The following CTSA variants were observed in gnomAD, a reference collection of about 807,000 sequenced individuals.
CTSA encodes cathepsin A.
In CTSA, 42 loss-of-function variants were observed where a neutral mutation model predicts 66.7. The ratio of observed to expected loss-of-function variants is 0.63; its 90% CI spans 0.49 to 0.81. The LOEUF is 0.81. Among genes scored for constraint, CTSA ranks in the 40% least tolerant of loss-of-function variants. The pLI is 0.00. For synonymous variants in CTSA, 225 were observed against 248.6 expected (o/e 0.91, Z 0.89); for missense variants, 525 against 610.9 (o/e 0.86, Z 1.48).
At position 45,895,035 on chromosome 20, in the gene CTSA, C is replaced by T; in HGVS notation, c.990C>T (p.Pro330=). 1 of 1,614,156 alleles carries T rather than the reference C, an allele frequency of 6.2e-7. No homozygotes were observed. The highest frequency in any genetic ancestry group is 8.5e-7 in the Non-Finnish European group (1 of 1,180,020). Residue 330 remains proline, a synonymous_variant, in exon 11 of 15, where the codon CCC becomes CCT. Transcript: ENST00000646241. ...RSGDKVRMDP[P]CTNTTAASTY... ...GGGATAAAGTGCGCATGGACCCCCC[C>T]TGCACCAACACAACAGCTGCTTCCA...
chr20:45,894,562 C>A, intron 8 of CTSA, 88 bp from the exon 9 acceptor site: 4 of 1,216,484 alleles, frequency 3.3e-6, no homozygotes, highest in Non-Finnish European at 3.7e-6. Flanking sequence ...GAGGTGAAAT[C>A]CAAGAGCAGT....
In CTSA at chr20:45,892,502, C is replaced by T. The variant is rs1258174043; in HGVS notation, c.444+18C>T. 16 of 1,609,392 alleles carry T rather than the reference C, an allele frequency of 9.9e-6. No individual in the cohort carries two copies. Among genetic ancestry groups the T allele is most frequent in the Non-Finnish European group, 1.2e-5 (14 of 1,175,906 alleles). Reference sequence around the variant, plus strand: ...ACACTGAGGTGAGTCTGGTGCCTGCCCATCTGCCCCAGGCTCCCCGGTCCT... The same window carrying T: ...ACACTGAGGTGAGTCTGGTGCCTGCTCATCTGCCCCAGGCTCCCCGGTCCT... On this transcript the variant is annotated intron_variant, in intron 5 of 14. Transcript: ENST00000646241.
At chr20:45,893,339 C>A in intron 7 of CTSA, 28 bp downstream of exon 7, 1 of 1,541,214 alleles carries the variant, frequency 6.5e-7, no homozygotes, top group Non-Finnish European at 9.0e-7. Flanking sequence ...TGGGCAATCT[C>A]TGGGGTGAGG....
At chr20:45,895,477 A>T (rs57946860) in intron 11 of CTSA, among the ~76,000 whole-genome samples, 22,688 of 151,246 alleles carry the variant, frequency 0.15, 2,740 homozygotes, top group East Asian at 0.38. Context: ...CACCCCCAAC[A>T]AGTTTTTGTA....
chr20:45,892,706 C>G lies in CTSA; in HGVS notation c.445-19C>G. On this transcript the variant is annotated intron_variant, in intron 5 of 14. Transcript: ENST00000646241. Reference sequence around the variant, plus strand: ...ACCAAAGCTTCCTGATTCCCTCTGTCTTGCTCTGCCATCCCCAGGTCGCCC... The same window carrying G: ...ACCAAAGCTTCCTGATTCCCTCTGTGTTGCTCTGCCATCCCCAGGTCGCCC... The G allele has an allele frequency of 1.2e-6, 2 of 1,614,188 alleles. No individual in the cohort carries two copies. The highest frequency in any genetic ancestry group is 4.5e-5 in the East Asian group (2 of 44,892).
At chr20:45,894,150 C>A in intron 8 of CTSA, 78 bp downstream of exon 8, 1 of 994,072 alleles carries the variant, frequency 1.0e-6, no homozygotes, top group South Asian at 1.3e-5. Context: ...TCCTTGGGGA[C>A]TCCTTGTTCT....
In CTSA at chr20:45,894,020, C is replaced by T. The variant is rs1212015228; in HGVS notation, c.725C>T (p.Ser242Phe). The change falls in exon 8 of 15, where the codon TCT (serine) becomes TTT (phenylalanine). Residue 242 changes from serine (S) to phenylalanine (F), a missense_variant. Physicochemically the swap from Ser to Phe is radical, Grantham distance 155. Coordinates refer to ENST00000646241, the MANE Select transcript of CTSA (RefSeq NM_000308.4). Reference protein sequence around the residue: ...LWSSLQTHCCSQNKCNFYDNK... With the variant: ...LWSSLQTHCCFQNKCNFYDNK... ...TCTTCTCTCCAGACCCACTGCTGCT[C>T]TCAAAACAAGTGTAACTTCTATGAC... 1.9e-6 allele frequency: 3 copies of T among 1,613,160 alleles called. No homozygotes were observed. The highest frequency in any genetic ancestry group is 1.6e-4 in the Middle Eastern group (1 of 6,062).
At chr20:45,894,168 T>C in intron 8 of CTSA, 96 bp downstream of exon 8, 1 of 909,608 alleles carries the variant, frequency 1.1e-6, no homozygotes. Context: ...TCTCCGTCCC[T>C]CATTGCTTTC....
chr20:45,893,928 CTCCTCTGCCT>C (rs1987102936), intron 7 of CTSA, 50 bp from the exon 8 acceptor site: 1 of 1,073,374 alleles, frequency 9.3e-7, no homozygotes, highest in African/African-American at 1.5e-5. Context: ...GTATGCTCGC[CTCCTCTGCCT>C]TCCTCTTCCC....
At chr20:45,897,655 T>A in intron 12 of CTSA, 62 bp from the exon 13 acceptor site, 1 of 994,064 alleles carries the variant, frequency 1.0e-6, no homozygotes, top group Non-Finnish European at 1.6e-6. Flanking sequence ...GGCCTTGAAC[T>A]AGGGAAGGGC....
rs1568763930 is a variant in CTSA, at chr20:45,894,084, C to T, written c.777+12C>T. Reference sequence around the variant, plus strand: ...AATGCGTGACCAATGTGAGGTTCTGCCATCACTTTGCATGAGCTCTCCCAT... The same window carrying T: ...AATGCGTGACCAATGTGAGGTTCTGTCATCACTTTGCATGAGCTCTCCCAT... On this transcript the variant is annotated intron_variant, in intron 8 of 14. Coordinates refer to ENST00000646241, the MANE Select transcript of CTSA (RefSeq NM_000308.4). The T allele has an allele frequency of 2.5e-6, 4 of 1,578,090 alleles. No individual in the cohort carries two copies. Among genetic ancestry groups the T allele is most frequent in the Non-Finnish European group, 1.7e-6 (2 of 1,147,408 alleles).
In CTSA at chr20:45,898,444, A is replaced by G. The variant is rs772364720; in HGVS notation, c.1437A>G (p.Pro479=). 6 of 1,613,570 alleles carry G rather than the reference A, an allele frequency of 3.7e-6. No individual in the cohort carries two copies. Among genetic ancestry groups the G allele is most frequent in the Non-Finnish European group, 5.1e-6 (6 of 1,179,894 alleles). Residue 479 remains proline (P), a synonymous_variant, in exon 15 of 15, where the codon CCA becomes CCG. Coordinates refer to ENST00000646241, the MANE Select transcript of CTSA (RefSeq NM_000308.4). The surrounding 1 kb of genome is among the most constrained non-coding windows in gnomAD (Gnocchi z 4.6). ...TMFSRFLNKQ[P]Y ...TCTCCCGCTTCCTGAACAAGCAGCC[A>G]TACTGATGACCACAGCAACCAGCTC...
At chr20:45,893,944 T>C in intron 7 of CTSA, 44 bp from the exon 8 acceptor site, 1 of 1,287,624 alleles carries the variant, frequency 7.8e-7, no homozygotes, top group Non-Finnish European at 1.1e-6. Context: ...TGCCTTCCTC[T>C]TCCCACCAGC....
chr20:45,892,663 G>A (rs1448612595), intron 5 of CTSA, 62 bp from the exon 6 acceptor site: 1 of 1,606,868 alleles, frequency 6.2e-7, no homozygotes, highest in Non-Finnish European at 8.5e-7. Context: ...TATCTCTGAA[G>A]TTCTTTCCAG....
intron 12 of CTSA, 47 bp downstream of exon 12, chr20:45,897,087 A>G: frequency 2.1e-6 from 3 of 1,440,492 alleles, no homozygotes; most frequent in Non-Finnish European, 2.9e-6. Flanking sequence ...TTAGGACCCC[A>G]GAGTAGCACA....
At chr20:45,893,867 T>G in intron 7 of CTSA, 121 bp from the exon 8 acceptor site, 9 of 757,970 alleles carry the variant, frequency 1.2e-5, no homozygotes, top group East Asian at 4.9e-5. Flanking sequence ...CCACACCCTG[T>G]GATATCTTTC....
At chr20:45,896,441 CT>C (rs1228736532) in intron 11 of CTSA, 1,509 of 180,696 alleles carry the variant, frequency 8.4e-3, no homozygotes, top group South Asian at 0.025. Context: ...ATTTCTTTTT[CT>C]TTTTTTTTTT....
chr20:45,891,943 G>A lies in CTSA; in HGVS notation c.222G>A (p.Glu74=). The change falls in exon 3 of 15, where the codon GAG becomes GAA. Residue 74 remains glutamate (E), a synonymous_variant. Coordinates refer to ENST00000646241, the MANE Select transcript of CTSA (RefSeq NM_000308.4). The surrounding 1 kb of genome is among the most constrained non-coding windows in gnomAD (Gnocchi z 4.6). ...YWFVESQKDP[E]NSPVVLWLNG... Reference sequence around the variant, plus strand: ...TTGTGGAGTCCCAGAAGGATCCCGAGAACAGCCCTGTGGTGCTTTGGCTCA... The same window carrying A: ...TTGTGGAGTCCCAGAAGGATCCCGAAAACAGCCCTGTGGTGCTTTGGCTCA... 1 of 1,614,148 alleles carries A rather than the reference G, an allele frequency of 6.2e-7. No homozygotes were observed. Among genetic ancestry groups the A allele is most frequent in the Non-Finnish European group, 8.5e-7 (1 of 1,180,016 alleles).
chr20:45,893,223 C>A lies in CTSA; in HGVS notation c.604C>A (p.Leu202Met). 1 of 1,613,952 alleles carries A rather than the reference C, an allele frequency of 6.2e-7. No homozygotes were observed. The highest frequency in any genetic ancestry group is 1.1e-5 in the South Asian group (1 of 91,064). ...MQDPSMNLQG[L>M]AVGNGLSSYE... The stretch of plus-strand genomic sequence containing the variant: ...GAGCACCCTGGGTGTTTCACAGGGG[C>A]TGGCTGTGGGCAATGGACTCTCCTC... The change falls in exon 7 of 15, where the codon CTG (leucine) becomes ATG (methionine). Residue 202 changes from leucine (L) to methionine (M), a missense_variant. Leu to Met is a conservative substitution (Grantham distance 15, BLOSUM62 2). Transcript: ENST00000646241.
Sources: gnomAD v4.1 joint callset for allele counts (sites outside exome capture counted in the v4.1 genomes callset) on GRCh38, gnomAD v4.1.1 for gene constraint, Gnocchi (gnomAD v3.1) non-coding constraint, MANE v1.5 for transcripts, NCBI Gene and HGNC (gene_info 2026-07-23, HGNC 2026-07-21) for gene names.